Variants in PDS5A observed in about 807,000 individuals in gnomAD.
The protein encoded by PDS5A is PDS5 cohesin associated factor A.
In PDS5A, 42 loss-of-function variants were observed where a neutral mutation model predicts 167.1. The ratio of observed to expected loss-of-function variants is 0.25; its 90% CI spans 0.20 to 0.33. The LOEUF (loss-of-function observed/expected upper bound fraction) is 0.33. Ranked by LOEUF, PDS5A falls within the 10% of genes least tolerant of loss-of-function variation. The pLI is 1.00. For missense variants in PDS5A, 1,033 were observed against 1,605.9 expected (o/e 0.64, Z 6.10); for synonymous variants, 553 against 554.6 (o/e 1.00, Z 0.04).
At position 39,898,624 on chromosome 4, in the gene PDS5A, C is replaced by T. The variant is rs1722621456; in HGVS notation, c.1631-96G>A. 3.3e-5 allele frequency: 32 copies of T among 968,574 alleles called. No individual in the cohort carries two copies. The South Asian group carries it at 6.0e-4, about 18-fold the overall frequency. The allele number at this position is 968,574 out of a possible 1,614,324, so 60.0% of individuals were successfully genotyped here. ...GTGCCATCAAAATATTGCGGAGCCA[C>T]TAAAAGAAAATCAGCCTAGCTGGTT... On this transcript the variant is annotated intron_variant, in intron 15 of 32. Transcript: ENST00000303538.
In PDS5A at chr4:39,874,432, TG is replaced by T. The variant is rs754432251; in HGVS notation, c.2154-21del. On this transcript the variant is annotated intron_variant, in intron 19 of 32. Coordinates refer to ENST00000303538, the MANE Select transcript of PDS5A (RefSeq NM_001100399.2). ...AAGGTCCTGCAAAAAATAATATAGTTGTTTTTTTTTCTTAAACCCATAAACC... is the reference window on the plus strand; with the variant it reads ...AAGGTCCTGCAAAAAATAATATAGTTTTTTTTTTTCTTAAACCCATAAACC... 3 of 1,604,610 alleles carry T rather than the reference TG, an allele frequency of 1.9e-6. No homozygotes were observed. The highest frequency in any genetic ancestry group is 1.3e-5 in the African/African-American group (1 of 74,408).
Position 39,837,880 on chromosome 4 carries a change from G to A in PDS5A, c.3986C>T (p.Ala1329Val). Residue 1329 changes from alanine (A) to valine (V), a missense_variant, in exon 32 of 33, where the codon GCA becomes GTA. By Grantham distance (64) the Ala-to-Val change is moderately conservative. This residue lies in a region of PDS5A where 233 missense variants were observed against 264.0 expected (regional missense o/e 0.88). Transcript: ENST00000303538. ...CCTTTGTAAGTCAATTTGTCTTTCTGCTGGTGCTGCCTTTTTGGCTAAATC... is the reference window on the plus strand; with the variant it reads ...CCTTTGTAAGTCAATTTGTCTTTCTACTGGTGCTGCCTTTTTGGCTAAATC... ...LQDLAKKAAP[A>V]ERQIDLQR 1 of 1,610,946 alleles carries A rather than the reference G, an allele frequency of 6.2e-7. No homozygotes were observed. The highest frequency in any genetic ancestry group is 1.1e-5 in the South Asian group (1 of 90,344).
In PDS5A at chr4:39,866,954, T is replaced by C; in HGVS notation, c.2549A>G (p.Lys850Arg). The change falls in exon 23 of 33, where the codon AAA (lysine) becomes AGA (arginine). Residue 850 changes from lysine (K) to arginine (R), a missense_variant. By Grantham distance (26) the Lys-to-Arg change is conservative (BLOSUM62 2). Transcript: ENST00000303538. ...ATTGGCAGATTTAGACTGGTTGTTT[T>C]TCATACCCAACAGCCACCTTACCAG... ...KLLVRWLLGM[K>R]NNQSKSANST... is the part of the protein sequence containing the mutation. 1.2e-6 allele frequency: 2 copies of C among 1,612,706 alleles called. No homozygotes were observed. Among genetic ancestry groups the C allele is most frequent in the Non-Finnish European group, 1.7e-6 (2 of 1,179,140 alleles).
intron 32 of PDS5A, among the ~76,000 whole-genome samples, chr4:39,831,239 G>C (rs1488566078): frequency 6.6e-6 from 1 of 152,006 alleles, no homozygotes; most frequent in Non-Finnish European, 1.5e-5. Context: ...GCTGGGACTA[G>C]AGGCGCGTGC....
intron 32 of PDS5A, among the ~76,000 whole-genome samples, chr4:39,826,322 T>C (rs1368078871): frequency 1.3e-5 from 2 of 151,736 alleles, no homozygotes; most frequent in Admixed American, 1.3e-4. Context: ...ACTCATCTAA[T>C]AGATGAGATT....
chr4:39,878,904 T>C (rs1395725794), intron 18 of PDS5A, among the ~76,000 whole-genome samples: 1 of 152,012 alleles, frequency 6.6e-6, no homozygotes, highest in African/African-American at 2.4e-5. Context: ...CCACCACGTC[T>C]ACCTAATTTT....
chr4:39,874,282 G>A lies in PDS5A; in HGVS notation c.2277+7C>T. 6.2e-7 allele frequency: 1 copy of A among 1,608,422 alleles called. No homozygotes were observed. The highest frequency in any genetic ancestry group is 8.5e-7 in the Non-Finnish European group (1 of 1,175,786). On this transcript the variant is annotated splice_region_variant and intron_variant, in intron 20 of 32. Coordinates refer to ENST00000303538, the MANE Select transcript of PDS5A (RefSeq NM_001100399.2). ...CAATATAAACACAACCTATATATTA[G>A]ATATACCTCAAAAATCTGTGCAAGC...
chr4:39,903,135 T>G (rs879682823), intron 12 of PDS5A, among the ~76,000 whole-genome samples: 1 of 152,256 alleles, frequency 6.6e-6, no homozygotes, highest in Non-Finnish European at 1.5e-5. Flanking sequence ...GCGGTAGAGC[T>G]AATTCTCAAG....
At chr4:39,829,538 T>G (rs1440591052) in intron 32 of PDS5A, among the ~76,000 whole-genome samples, 1 of 151,722 alleles carries the variant, frequency 6.6e-6, no homozygotes, top group Non-Finnish European at 1.5e-5. Context: ...TTCTAGCTAC[T>G]CGGGAGGCTG....
In PDS5A at chr4:39,928,168, T is replaced by TA; in HGVS notation, c.139-5dup. The stretch of plus-strand genomic sequence containing the variant: ...CCATAAAGGTTTTCACTACCATCTG[T>TA]AAAAATGTACAAAAACACAAAATAA... On this transcript the variant is annotated splice_polypyrimidine_tract_variant and splice_region_variant and intron_variant, in intron 2 of 32. Transcript: ENST00000303538. The TA allele has an allele frequency of 6.3e-7, 1 of 1,581,022 alleles. No homozygotes were observed. Among genetic ancestry groups the TA allele is most frequent in the Non-Finnish European group, 8.7e-7 (1 of 1,154,004 alleles).
chr4:39,972,328 T>C (rs932517223), intron 2 of PDS5A, among the ~76,000 whole-genome samples: 3 of 152,090 alleles, frequency 2.0e-5, no homozygotes, highest in Middle Eastern at 3.4e-3. Context: ...GAGACCAGCC[T>C]GACCAACATA....
intron 18 of PDS5A, among the ~76,000 whole-genome samples, chr4:39,878,334 G>A (rs564586156): frequency 1.3e-5 from 2 of 152,256 alleles, no homozygotes; most frequent in South Asian, 4.1e-4. Context: ...GGTGGCTCAC[G>A]TCTGTAATCC....
intron 17 of PDS5A, among the ~76,000 whole-genome samples, chr4:39,885,232 G>A (rs1167532400): frequency 7.8e-6 from 1 of 127,754 alleles, no homozygotes; most frequent in Non-Finnish European, 1.6e-5. Flanking sequence ...AGGTGACAGA[G>A]CAAGATTCCT....
chr4:39,842,912 TATATA>T (rs1717179869), intron 30 of PDS5A, among the ~76,000 whole-genome samples: 1 of 68,530 alleles, frequency 1.5e-5, no homozygotes, highest in Non-Finnish European at 3.6e-5. Context: ...CCTATTTTTA[TATATA>T]TATATATATA....
At chr4:39,876,265 G>C (rs568416053) in intron 19 of PDS5A, among the ~76,000 whole-genome samples, 21 of 152,224 alleles carry the variant, frequency 1.4e-4, no homozygotes, top group Admixed American at 1.4e-3. Context: ...TGAGGGCAGG[G>C]ACTAATTGTG....
chr4:39,901,221 G>GT (rs1037433603), intron 13 of PDS5A, among the ~76,000 whole-genome samples: 31 of 149,554 alleles, frequency 2.1e-4, no homozygotes, highest in African/African-American at 7.6e-4. Context: ...CAACACTATC[G>GT]TAATAGAATT....
At position 39,959,012 on chromosome 4, in the gene PDS5A, T is replaced by A. The variant is rs373025559; in HGVS notation, c.138+17428A>T. Among the ~76,000 whole-genome samples, 13 of 152,236 alleles carry A rather than the reference T, an allele frequency of 8.5e-5. 1 individual carries two copies. The highest frequency in any genetic ancestry group is 7.7e-4 in the East Asian group (4 of 5,204). The stretch of plus-strand genomic sequence containing the variant: ...TCATTTGCCTACCCAAGTCTGAGAC[T>A]TCAAATCCCAGCCCAACTGTCACCT... On this transcript the variant is annotated intron_variant, in intron 2 of 32. Coordinates refer to ENST00000303538, the MANE Select transcript of PDS5A (RefSeq NM_001100399.2).
At chr4:39,908,346 A>C (rs748891581) in intron 11 of PDS5A, 49 bp downstream of exon 11, 8 of 1,369,464 alleles carry the variant, frequency 5.8e-6, no homozygotes, top group Middle Eastern at 1.8e-4. Context: ...AATTGTATTT[A>C]GCAATTTAAA....
At chr4:39,974,069 T>C (rs1447328870) in intron 2 of PDS5A, 2 of 505,654 alleles carry the variant, frequency 4.0e-6, no homozygotes, top group South Asian at 1.6e-5. Flanking sequence ...GAGCTTACAG[T>C]GAGCCGAGAT....
Sources: allele counts gnomAD v4.1 joint callset (sites outside exome capture counted in the v4.1 genomes callset), GRCh38; gene constraint gnomAD v4.1.1; regional missense constraint gnomAD v4.1.1; transcripts MANE v1.5; gene names NCBI Gene and HGNC (gene_info 2026-07-23, HGNC 2026-07-21).